QKI: variants seen among roughly 807,000 people sequenced by gnomAD.
QKI encodes the protein KH domain-containing RNA-binding protein QKI.
QKI carries 10 observed loss-of-function variants against 39.0 expected under a neutral mutation model. The observed-to-expected ratio is 0.26, with a 90% CI of 0.16 to 0.43. The LOEUF is 0.43. QKI is among the 20% of genes least tolerant of loss of function. The pLI is 1.00. For synonymous variants in QKI, 204 were observed against 155.4 expected (o/e 1.31, Z -2.33); for missense variants, 218 against 428.0 (o/e 0.51, Z 4.33).
chr6:163,457,020 A>G (rs1035016886), intron 2 of QKI, among the ~76,000 whole-genome samples: 1 of 152,100 alleles, frequency 6.6e-6, no homozygotes, highest in East Asian at 1.9e-4. Flanking sequence ...AGCCTACCCT[A>G]GGTATTAGGA....
chr6:163,422,972 T>C (rs1005695365), intron 1 of QKI, among the ~76,000 whole-genome samples: 1 of 152,142 alleles, frequency 6.6e-6, no homozygotes, highest in Non-Finnish European at 1.5e-5. Flanking sequence ...ATTAGGGAAA[T>C]GCATAGTAAG....
At chr6:163,501,594 T>C (rs1337461175) in intron 3 of QKI, among the ~76,000 whole-genome samples, 1 of 152,220 alleles carries the variant, frequency 6.6e-6, no homozygotes, top group African/African-American at 2.4e-5. Context: ...TATAGGTGTC[T>C]GACTGAGCAG....
At chr6:163,467,684 G>C (rs1460984686) in intron 2 of QKI, among the ~76,000 whole-genome samples, 1 of 152,156 alleles carries the variant, frequency 6.6e-6, no homozygotes, top group East Asian at 1.9e-4. Context: ...TCCAGGAGAT[G>C]TATTTAGCCA....
At chr6:163,566,023 T>A in intron 6 of QKI, 1 of 1,599,124 alleles carries the variant, frequency 6.3e-7, no homozygotes, top group Non-Finnish European at 8.6e-7. Flanking sequence ...ATTTAACAAA[T>A]GCTTAGTCTC....
At chr6:163,536,187 G>A (rs564943759) in intron 4 of QKI, among the ~76,000 whole-genome samples, 1 of 151,732 alleles carries the variant, frequency 6.6e-6, no homozygotes, top group Non-Finnish European at 1.5e-5. Context: ...TAATGATCAG[G>A]TTAAATATAA....
intron 3 of QKI, among the ~76,000 whole-genome samples, chr6:163,515,341 G>A (rs372809878): frequency 1.1e-4 from 16 of 152,054 alleles, no homozygotes; most frequent in African/African-American, 3.9e-4. Context: ...TTTTAAGAAG[G>A]TCCTGTTTGT....
chr6:163,503,900 G>A (rs1778939780), intron 3 of QKI, among the ~76,000 whole-genome samples: 1 of 151,748 alleles, frequency 6.6e-6, no homozygotes, highest in African/African-American at 2.4e-5. Context: ...CCACCACACC[G>A]GGCTAATTTT....
Position 163,576,803 on chromosome 6 carries a change from CTA to C in QKI, c.*6095_*6096del, listed in dbSNP as rs1242258026. ...TTCAATTTTATTGAGGCTTTCAACA[CTA>C]TTTAAAAGAAAATGTAAGAATTTGA... On this transcript the variant is annotated 3_prime_UTR_variant, in exon 8 of 8. Coordinates refer to ENST00000361752, the MANE Select transcript of QKI (RefSeq NM_006775.3). 3 of 152,122 alleles carry C rather than the reference CTA, an allele frequency of 2.0e-5. No individual in the cohort carries two copies. The highest frequency in any genetic ancestry group is 4.4e-5 in the Non-Finnish European group (3 of 68,032). The allele number at this position is 152,122 out of a possible 1,614,324, so 9.4% of individuals were successfully genotyped here. A position where few individuals can be genotyped will look rare whatever the true frequency, so the allele number is the denominator to read the frequency against.
At chr6:163,471,669 C>T (rs528491690) in intron 2 of QKI, among the ~76,000 whole-genome samples, 12 of 151,838 alleles carry the variant, frequency 7.9e-5, no homozygotes, top group Admixed American at 2.6e-4. Context: ...AAGAAGAGAA[C>T]GAAGAAAATA....
At chr6:163,432,123 A>G (rs2128211345) in intron 1 of QKI, among the ~76,000 whole-genome samples, 1 of 152,280 alleles carries the variant, frequency 6.6e-6, no homozygotes, top group South Asian at 2.1e-4. Context: ...TCTGTTGTGA[A>G]TAGTCTTAAT....
At chr6:163,568,282 C>A in intron 7 of QKI, 1 of 984,868 alleles carries the variant, frequency 1.0e-6, no homozygotes, top group Non-Finnish European at 1.2e-6. Flanking sequence ...TATGTATGCC[C>A]CCTTTTAGGA....
At position 163,565,694 on chromosome 6, in the gene QKI, A is replaced by G. The variant is rs898831973; in HGVS notation, c.935-1027A>G. The G allele has an allele frequency of 1.0e-5, 12 of 1,156,646 alleles. No homozygotes were observed. In the Admixed American group the frequency reaches 4.1e-4, roughly 40 times the overall value. 71.6% of individuals were successfully genotyped at this position (1,156,646 alleles called of 1,614,324 possible). Reference sequence around the variant, plus strand: ...GGTTAATTTCATTTCTTGCTTTGCCACCTAAGCAGTAAAACATGATATTGA... The same window carrying G: ...GGTTAATTTCATTTCTTGCTTTGCCGCCTAAGCAGTAAAACATGATATTGA... On this transcript the variant is annotated intron_variant, in intron 6 of 7. Transcript: ENST00000361752.
At chr6:163,461,968 T>A (rs1009197704) in intron 2 of QKI, among the ~76,000 whole-genome samples, 3 of 152,210 alleles carry the variant, frequency 2.0e-5, no homozygotes, top group Admixed American at 2.0e-4. Flanking sequence ...ATGTTTTCTT[T>A]TGATTTCAGT....
intron 4 of QKI, among the ~76,000 whole-genome samples, chr6:163,550,835 A>C (rs757108721): frequency 6.6e-6 from 1 of 151,712 alleles, no homozygotes; most frequent in Admixed American, 6.6e-5. Flanking sequence ...AGTCCCAGCT[A>C]CTCAGAGAGG....
chr6:163,433,618 T>G (rs1046599221), intron 1 of QKI, among the ~76,000 whole-genome samples: 1 of 151,992 alleles, frequency 6.6e-6, no homozygotes, highest in Non-Finnish European at 1.5e-5. Flanking sequence ...TATACAAAAA[T>G]TAGCCGGGTG....
intron 1 of QKI, among the ~76,000 whole-genome samples, chr6:163,449,250 A>T (rs1429630613): frequency 6.6e-6 from 1 of 152,126 alleles, no homozygotes; most frequent in Admixed American, 6.5e-5. Flanking sequence ...ATGTATATCA[A>T]ATTATGTATG....
chr6:163,517,355 CT>C (rs1205733742), intron 3 of QKI, among the ~76,000 whole-genome samples: 25 of 152,260 alleles, frequency 1.6e-4, no homozygotes, highest in Middle Eastern at 3.4e-3. Flanking sequence ...CAACTGATTA[CT>C]TTTCTTAATT....
intron 4 of QKI, among the ~76,000 whole-genome samples, chr6:163,557,264 CAGAT>C (rs777964152): frequency 7.2e-5 from 11 of 152,088 alleles, no homozygotes; most frequent in Non-Finnish European, 1.0e-4. Context: ...CAAGTTAAAT[CAGAT>C]GGATGGTTAG....
intron 3 of QKI, among the ~76,000 whole-genome samples, chr6:163,505,415 A>G (rs1027123384): frequency 6.6e-6 from 1 of 152,198 alleles, no homozygotes; most frequent in African/African-American, 2.4e-5. Flanking sequence ...GCAGGCACTC[A>G]TTGTCAGCCC....
Sources: gnomAD v4.1 joint callset for allele counts (sites outside exome capture counted in the v4.1 genomes callset) on GRCh38, gnomAD v4.1.1 for gene constraint, MANE v1.5 for transcripts, NCBI Gene and HGNC (gene_info 2026-07-23, HGNC 2026-07-21) for gene names.